GRIK1: variants seen among roughly 807,000 people sequenced by gnomAD.
GRIK1 encodes glutamate receptor ionotropic, kainate 1.
GRIK1 carries 69 observed loss-of-function variants against 105.7 expected under a neutral mutation model. The observed-to-expected ratio is 0.65, with a 90% CI of 0.54 to 0.80. The LOEUF (loss-of-function observed/expected upper bound fraction) is 0.80. Ranked by LOEUF, GRIK1 falls within the 30% of genes least tolerant of loss-of-function variation. The pLI, the probability that GRIK1 is intolerant of heterozygous loss-of-function variation, is 0.00. For missense variants in GRIK1, 1,109 were observed against 1,167.3 expected (o/e 0.95, Z 0.73); for synonymous variants, 438 against 431.3 (o/e 1.02, Z -0.19).
rs2063554737 is a variant in GRIK1 at position 29,689,908 on chromosome 21, T to C, written c.364A>G (p.Ile122Val). The C allele has an allele frequency of 2.5e-6, 4 of 1,613,012 alleles. No homozygotes were observed. The highest frequency in any genetic ancestry group is 3.4e-6 in the Non-Finnish European group (4 of 1,179,580). Residue 122 changes from isoleucine to valine, a missense_variant, in exon 3 of 18, where the codon ATT becomes GTT. Around this residue, in one of 5 missense-constraint regions of GRIK1, gnomAD observed 612 missense variants for 586.0 expected, o/e 1.04. Transcript: ENST00000327783. ...TGTGGAACTTCGAGAGCATTGCAAA[T>C]AGACTGCACAGCACTGACGGAGGAG... ...HSSSVSAVQS[I>V]CNALEVPHIQ...
chr21:29,640,827 G>A (rs1425772706), intron 7 of GRIK1, among the ~76,000 whole-genome samples: 2 of 152,158 alleles, frequency 1.3e-5, no homozygotes, highest in Non-Finnish European at 2.9e-5. Flanking sequence ...GATCACTGCA[G>A]GGAAAAGGAG....
At chr21:29,770,768 A>G (rs1193591661) in intron 1 of GRIK1, among the ~76,000 whole-genome samples, 1 of 152,230 alleles carries the variant, frequency 6.6e-6, no homozygotes, top group Non-Finnish European at 1.5e-5. Flanking sequence ...TTGAAATAAT[A>G]GTCTTTAAAA....
intron 1 of GRIK1, among the ~76,000 whole-genome samples, chr21:29,894,943 A>G (rs1012662937): frequency 2.6e-5 from 4 of 152,186 alleles, no homozygotes; most frequent in East Asian, 1.9e-4. Flanking sequence ...CATAATATCT[A>G]TAAGTAGCCA....
intron 4 of GRIK1, among the ~76,000 whole-genome samples, chr21:29,656,231 G>T (rs184082458): frequency 1.3e-5 from 2 of 151,034 alleles, no homozygotes; most frequent in East Asian, 3.9e-4. Flanking sequence ...GCGTGGTGGC[G>T]GGTGCCTGTA....
At chr21:29,866,159 C>T (rs918992151) in intron 1 of GRIK1, among the ~76,000 whole-genome samples, 1 of 152,066 alleles carries the variant, frequency 6.6e-6, no homozygotes, top group African/African-American at 2.4e-5. Flanking sequence ...CTCAACCTCC[C>T]AGGTTCAATC....
At chr21:29,654,992 A>G in intron 4 of GRIK1, 129 bp from the exon 5 acceptor site, 1 of 701,714 alleles carries the variant, frequency 1.4e-6, no homozygotes, top group Non-Finnish European at 2.6e-6. Flanking sequence ...CAAACTCAGC[A>G]GATCAGAAAC....
At chr21:29,673,818 A>T (rs549157763) in intron 3 of GRIK1, among the ~76,000 whole-genome samples, 23 of 151,898 alleles carry the variant, frequency 1.5e-4, no homozygotes, top group South Asian at 4.1e-4. Flanking sequence ...AACAGAATTT[A>T]AAAAAAAATT....
intron 1 of GRIK1, among the ~76,000 whole-genome samples, chr21:29,741,868 T>C (rs1285229638): frequency 6.6e-6 from 1 of 152,238 alleles, no homozygotes; most frequent in South Asian, 2.1e-4. Flanking sequence ...TCTTTACATA[T>C]TTTCTTGCAT....
chr21:29,786,827 C>G (rs2066272876), intron 1 of GRIK1, among the ~76,000 whole-genome samples: 1 of 152,144 alleles, frequency 6.6e-6, no homozygotes, highest in East Asian at 1.9e-4. Flanking sequence ...CTAAGAGACT[C>G]AGTATATAGG....
In GRIK1 at chr21:29,876,112, A is replaced by ATGTGTGTGTGTG. The variant is rs1555903193; in HGVS notation, c.118+63259_118+63270dup. Among the ~76,000 whole-genome samples the ATGTGTGTGTGTG allele has an allele frequency of 1.1e-3, 160 of 149,092 alleles. 2 individuals carry two copies. Among genetic ancestry groups the ATGTGTGTGTGTG allele is most frequent in the African/African-American group, 3.9e-3 (156 of 40,272 alleles). ...ACAATCCCAAGGGGAGGAGATAGAT[A>ATGTGTGTGTGTG]TGTGTGTGTGTGTGTGTGTGTGTGT... On this transcript the variant is annotated intron_variant, in intron 1 of 17. Coordinates refer to ENST00000327783, the MANE Select transcript of GRIK1 (RefSeq NM_001330994.2).
At position 29,776,178 on chromosome 21, in the gene GRIK1, C is replaced by T. The variant is rs2065939512; in HGVS notation, c.119-82115G>A. 2.0e-5 allele frequency among the ~76,000 whole-genome samples: 3 copies of T among 152,210 alleles called. No individual in the cohort carries two copies. The South Asian group carries it at 6.2e-4, about 31-fold the overall frequency. The stretch of plus-strand genomic sequence containing the variant: ...TCAATTACCTCCCACGAGGTCCCTC[C>T]CTCCACACATGGGATTATGAGGATT... On this transcript the variant is annotated intron_variant, in intron 1 of 17. Coordinates refer to ENST00000327783, the MANE Select transcript of GRIK1 (RefSeq NM_001330994.2).
intron 1 of GRIK1, among the ~76,000 whole-genome samples, chr21:29,930,154 G>T (rs2255821): frequency 9.9e-5 from 15 of 151,868 alleles, no homozygotes; most frequent in Non-Finnish European, 1.6e-4. Context: ...TTAGGGTTCA[G>T]ATTTTTCCTA....
At chr21:29,652,354 C>G (rs2058104602) in intron 5 of GRIK1, among the ~76,000 whole-genome samples, 1 of 152,138 alleles carries the variant, frequency 6.6e-6, no homozygotes, top group African/African-American at 2.4e-5. Flanking sequence ...AAATCATCTC[C>G]TGGCTTGTTG....
Position 29,748,022 on chromosome 21 carries a change from A to G in GRIK1, c.119-53959T>C, listed in dbSNP as rs111557701. Among the ~76,000 whole-genome samples, 1,137 of 152,308 alleles carry G rather than the reference A, an allele frequency of 7.5e-3. 11 individuals are homozygous for G. The highest frequency in any genetic ancestry group is 0.01 in the Non-Finnish European group (684 of 68,024). On this transcript the variant is annotated intron_variant, in intron 1 of 17. Transcript: ENST00000327783. Reference sequence around the variant, plus strand: ...AAAATAAAAGAGACATGCCACCTCCACTTTTTCCAACACCCCTTTCCTGAG... The same window carrying G: ...AAAATAAAAGAGACATGCCACCTCCGCTTTTTCCAACACCCCTTTCCTGAG...
chr21:29,838,992 A>G lies in GRIK1; in HGVS notation c.118+100391T>C, dbSNP rs1211157168. Among the ~76,000 whole-genome samples, 12 of 152,214 alleles carry G rather than the reference A, an allele frequency of 7.9e-5. No homozygotes were observed. The East Asian group carries it at 2.3e-3, about 29-fold the overall frequency. On this transcript the variant is annotated intron_variant, in intron 1 of 17. Transcript: ENST00000327783. Reference sequence around the variant, plus strand: ...GGCAAATTATTAAACGAAGTAAGCTACTATACTTGAAGAGTACAAATTAAT... The same window carrying G: ...GGCAAATTATTAAACGAAGTAAGCTGCTATACTTGAAGAGTACAAATTAAT...
intron 1 of GRIK1, among the ~76,000 whole-genome samples, chr21:29,830,221 G>T (rs924913522): frequency 1.3e-5 from 2 of 151,968 alleles, no homozygotes; most frequent in Non-Finnish European, 2.9e-5. Flanking sequence ...ATGTGTGTGA[G>T]AGTGTCTGTG....
intron 1 of GRIK1, among the ~76,000 whole-genome samples, chr21:29,787,055 A>C (rs1254772743): frequency 6.6e-6 from 1 of 152,138 alleles, no homozygotes; most frequent in Non-Finnish European, 1.5e-5. Context: ...TCTCAAATTT[A>C]AATTTAGTTT....
Position 29,560,388 on chromosome 21 carries a change from C to CTTT in GRIK1, c.2356+1235_2356+1236insAAA, listed in dbSNP as rs1568813959. ...TTCTTCCTTCCTTCCTTCCTTCCTT[C>CTTT]CTTCCTTCCTTCCTTTCTTTCTTTC... On this transcript the variant is annotated intron_variant, in intron 15 of 17. Transcript: ENST00000327783. Among the ~76,000 whole-genome samples, 376 of 43,608 alleles carry CTTT rather than the reference C, an allele frequency of 8.6e-3. 39 individuals carry two copies. The highest frequency in any genetic ancestry group is 0.04 in the Admixed American group (167 of 4,132). 28.6% of individuals were successfully genotyped at this position (43,608 alleles called of 152,430 possible).
At chr21:29,703,636 A>T (rs1175971336) in intron 1 of GRIK1, among the ~76,000 whole-genome samples, 1 of 152,226 alleles carries the variant, frequency 6.6e-6, no homozygotes, top group African/African-American at 2.4e-5. Flanking sequence ...CTTGGTAAAG[A>T]TCCCATGCTA....
Sources: gnomAD v4.1 joint callset for allele counts (sites outside exome capture counted in the v4.1 genomes callset) on GRCh38, gnomAD v4.1.1 for gene constraint, gnomAD v4.1.1 regional missense constraint, MANE v1.5 for transcripts, NCBI Gene and HGNC (gene_info 2026-07-23, HGNC 2026-07-21) for gene names.